DOC2B: variants seen among roughly 807,000 people sequenced by gnomAD.
DOC2B encodes the protein double C2 domain beta.
DOC2B carries 21 observed loss-of-function variants against 28.9 expected under a neutral mutation model. The ratio of observed to expected loss-of-function variants is 0.73; its 90% CI spans 0.52 to 1.05. The LOEUF is 1.05. DOC2B is among the 50% of genes least tolerant of loss of function. DOC2B has a pLI of 0.00. For synonymous variants in DOC2B, 194 were observed against 178.1 expected (o/e 1.09, Z -0.71); for missense variants, 384 against 421.1 (o/e 0.91, Z 0.77).
chr17:159,768 C>A (rs1019094772), intron 5 of DOC2B, among the ~76,000 whole-genome samples: 1 of 152,138 alleles, frequency 6.6e-6, no homozygotes, highest in South Asian at 2.1e-4. Flanking sequence ...ATCATGGCCA[C>A]GCACAGGGAC....
intron 6 of DOC2B, among the ~76,000 whole-genome samples, chr17:153,467 C>A (rs779705302): frequency 2.0e-5 from 3 of 152,208 alleles, no homozygotes; most frequent in Non-Finnish European, 4.4e-5. Context: ...CTTTGGGAGG[C>A]CAGGGTGGGT....
At chr17:150,460 C>T (rs1555521703) in intron 6 of DOC2B, among the ~76,000 whole-genome samples, 2 of 151,948 alleles carry the variant, frequency 1.3e-5, no homozygotes, top group African/African-American at 4.8e-5. Context: ...CCATGTCCAG[C>T]TTATTCTGCC....
chr17:146,941 C>T lies in DOC2B; in HGVS notation c.*500G>A, dbSNP rs1014824695. On this transcript the variant is annotated 3_prime_UTR_variant, in exon 9 of 9. Transcript: ENST00000613549. ...CCGGGAACTCTGGCAGACTTTCGGC[C>T]GGCAGGCCCGCTTCTTCCATCTGTC... 3.7e-3 allele frequency: 567 copies of T among 153,670 alleles called. 1 individual carries two copies. Among genetic ancestry groups the T allele is most frequent in the African/African-American group, 0.013 (531 of 41,658 alleles). 9.5% of individuals were successfully genotyped at this position (153,670 alleles called of 1,614,324 possible).
intron 5 of DOC2B, among the ~76,000 whole-genome samples, chr17:160,913 C>A (rs187558289): frequency 3.9e-5 from 6 of 152,136 alleles, no homozygotes; most frequent in Non-Finnish European, 8.8e-5. Context: ...GTGCTCCTTG[C>A]GCGTCCTGTC....
chr17:176,400 T>G (rs1008715744), intron 1 of DOC2B, among the ~76,000 whole-genome samples: 29 of 124,874 alleles, frequency 2.3e-4, no homozygotes, highest in African/African-American at 8.2e-4. Context: ...GTGCGGGGGG[T>G]GCGGGGGGGT....
intron 1 of DOC2B, among the ~76,000 whole-genome samples, chr17:173,761 G>A (rs933329643): frequency 8.5e-5 from 13 of 152,146 alleles, no homozygotes; most frequent in South Asian, 6.2e-4. Flanking sequence ...GGGAGGTGAC[G>A]ATTCCAACCA....
intron 5 of DOC2B, among the ~76,000 whole-genome samples, chr17:160,768 G>A (rs2151465700): frequency 6.6e-6 from 1 of 152,304 alleles, no homozygotes; most frequent in African/African-American, 2.4e-5. Context: ...AAGACTCAGA[G>A]GGCGTAGCTG....
intron 2 of DOC2B, among the ~76,000 whole-genome samples, chr17:165,909 T>C (rs1391477945): frequency 2.6e-5 from 4 of 152,252 alleles, no homozygotes; most frequent in Non-Finnish European, 4.4e-5. Flanking sequence ...TTAAAATGTT[T>C]CCATTTGGGC....
At chr17:170,729 C>T (rs1222127639) in intron 2 of DOC2B, among the ~76,000 whole-genome samples, 1 of 152,154 alleles carries the variant, frequency 6.6e-6, no homozygotes, top group Admixed American at 6.5e-5. Context: ...CTGACACATG[C>T]TTGAGTGGCA....
At chr17:174,001 C>T (rs1222329357) in intron 1 of DOC2B, among the ~76,000 whole-genome samples, 2 of 152,202 alleles carry the variant, frequency 1.3e-5, no homozygotes, top group Non-Finnish European at 2.9e-5. Context: ...TACTATCCAG[C>T]CCTTCTTTAT....
chr17:159,768 C>T (rs1019094772), intron 5 of DOC2B, among the ~76,000 whole-genome samples: 6 of 152,138 alleles, frequency 3.9e-5, no homozygotes, highest in South Asian at 2.1e-4. Flanking sequence ...ATCATGGCCA[C>T]GCACAGGGAC....
intron 6 of DOC2B, among the ~76,000 whole-genome samples, chr17:154,182 G>A (rs1481647115): frequency 1.3e-5 from 2 of 148,538 alleles, no homozygotes; most frequent in East Asian, 2.0e-4. Flanking sequence ...GATATTCCAC[G>A]CACCTGCTAC....
chr17:146,645 T>C lies in DOC2B; in HGVS notation c.*796A>G, dbSNP rs1433906706. On this transcript the variant is annotated 3_prime_UTR_variant, in exon 9 of 9. Transcript: ENST00000613549. ...CCACTCCCACTGCCTGGACTGCTTTTAGAAGCCCTCACTCACCCTCCAAGG... is the reference window on the plus strand; with the variant it reads ...CCACTCCCACTGCCTGGACTGCTTTCAGAAGCCCTCACTCACCCTCCAAGG... The C allele has an allele frequency of 1.3e-5, 2 of 152,310 alleles. No individual in the cohort carries two copies. The highest frequency in any genetic ancestry group is 2.4e-5 in the African/African-American group (1 of 41,420). The allele number at this position is 152,310 out of a possible 1,614,324, so 9.4% of individuals were successfully genotyped here.
At position 146,201 on chromosome 17, in the gene DOC2B, G is replaced by A. The variant is rs1232017385; in HGVS notation, c.*1240C>T. 1.3e-5 allele frequency: 2 copies of A among 152,302 alleles called. No individual in the cohort carries two copies. Among genetic ancestry groups the A allele is most frequent in the Admixed American group, 6.5e-5 (1 of 15,280 alleles). 9.4% of individuals were successfully genotyped at this position (152,302 alleles called of 1,614,324 possible). The stretch of plus-strand genomic sequence containing the variant: ...ACGGCCACTGATTACTCCCAAAAGG[G>A]ACATCTGTGGCGGTAGTGGGACCAA... On this transcript the variant is annotated 3_prime_UTR_variant, in exon 9 of 9. Coordinates refer to ENST00000613549, the MANE Select transcript of DOC2B (RefSeq NM_003585.5).
chr17:153,473 T>C (rs1471398410), intron 6 of DOC2B, among the ~76,000 whole-genome samples: 5 of 152,066 alleles, frequency 3.3e-5, no homozygotes, highest in East Asian at 1.9e-4. Flanking sequence ...GAGGCCAGGG[T>C]GGGTGGATCA....
chr17:162,060 C>G, intron 4 of DOC2B, 21 bp downstream of exon 4: 2 of 1,508,302 alleles, frequency 1.3e-6, no homozygotes, highest in Non-Finnish European at 1.8e-6. Flanking sequence ...AGGGAGCAGG[C>G]GGCCTGGGAC....
At chr17:161,656 C>A in intron 4 of DOC2B, 115 bp from the exon 5 acceptor site, 1 of 1,488,678 alleles carries the variant, frequency 6.7e-7, no homozygotes, top group South Asian at 1.3e-5. Context: ...CTGCCCTGGT[C>A]TGGGGTGGGA....
Position 162,091 on chromosome 17 carries a change from T to C in DOC2B, c.628A>G (p.Lys210Glu). The change falls in exon 4 of 9, where the codon AAG (lysine) becomes GAG (glutamate). Residue 210 changes from lysine to glutamate, a missense_variant. Physicochemically the swap from Lys to Glu is moderately conservative, Grantham distance 56. Coordinates refer to ENST00000613549, the MANE Select transcript of DOC2B (RefSeq NM_003585.5). ...GGGACCCTCACCCACCGCAGGGTCT[T>C]GCGGATCATGTCTTCATCTGTGATC... is the stretch of plus-strand genomic sequence containing the variant. ...YGITDEDMIR[K>E]TLRISVCDED... is the part of the protein sequence containing the mutation. 2 of 1,551,166 alleles carry C rather than the reference T, an allele frequency of 1.3e-6. No homozygotes were observed. Among genetic ancestry groups the C allele is most frequent in the Non-Finnish European group, 1.7e-6 (2 of 1,146,438 alleles).
At chr17:177,767 A>G (rs914285980) in intron 1 of DOC2B, among the ~76,000 whole-genome samples, 2 of 152,280 alleles carry the variant, frequency 1.3e-5, no homozygotes, top group African/African-American at 2.4e-5. Context: ...GTCCAGGTAG[A>G]ACATGACTGG....
Sources: gnomAD v4.1 joint callset for allele counts (sites outside exome capture counted in the v4.1 genomes callset) on GRCh38, gnomAD v4.1.1 for gene constraint, MANE v1.5 for transcripts, NCBI Gene and HGNC (gene_info 2026-07-23, HGNC 2026-07-21) for gene names.